Variants in UTS2B observed in about 807,000 individuals in gnomAD.
UTS2B encodes urotensin 2B.
Under a neutral mutation model 19.2 loss-of-function variants are expected in UTS2B, and 21 were observed. That is an observed-to-expected ratio of 1.09 (90% CI 0.78 to 1.58). The LOEUF is 1.58. Ranked by LOEUF, UTS2B falls within the 40% of genes most tolerant of loss-of-function variation. The pLI, the probability that UTS2B is intolerant of heterozygous loss-of-function variation, is 0.00. For synonymous variants in UTS2B, 57 were observed against 50.2 expected (o/e 1.14, Z -0.58); for missense variants, 138 against 130.3 (o/e 1.06, Z -0.29).
chr3:191,324,240 C>A (rs929506755), intron 2 of UTS2B, among the ~76,000 whole-genome samples: 8 of 152,216 alleles, frequency 5.3e-5, no homozygotes, highest in Non-Finnish European at 5.9e-5. Flanking sequence ...AGCAAGAAGG[C>A]TCTTACCAGA....
At chr3:191,296,165 A>G (rs948692157) in intron 4 of UTS2B, among the ~76,000 whole-genome samples, 3 of 151,994 alleles carry the variant, frequency 2.0e-5, no homozygotes, top group East Asian at 1.9e-4. Flanking sequence ...AACCACAAAT[A>G]CCCTTCTTTC....
chr3:191,330,053 C>A (rs1717912833), intron 1 of UTS2B, among the ~76,000 whole-genome samples: 1 of 152,024 alleles, frequency 6.6e-6, no homozygotes, highest in African/African-American at 2.4e-5. Context: ...TGACTTACTC[C>A]GCTTCTAAAA....
chr3:191,319,854 C>A (rs1453586472), intron 2 of UTS2B, among the ~76,000 whole-genome samples: 43 of 142,584 alleles, frequency 3.0e-4, no homozygotes, highest in Admixed American at 2.2e-3. Context: ...GGCAACAGTG[C>A]GAGACTTGGT....
At chr3:191,336,064 T>G in the UTS2B span, among the ~76,000 whole-genome samples, 19 of 152,172 alleles carry the variant, frequency 1.2e-4, no homozygotes, top group East Asian at 2.9e-3. Flanking sequence ...ATTCACTAAT[T>G]GAAGAACATA....
At chr3:191,297,733 C>T (rs10937473) in intron 4 of UTS2B, among the ~76,000 whole-genome samples, 99,873 of 151,992 alleles carry the variant, frequency 0.66, 32,789 homozygotes, top group African/African-American at 0.67. Flanking sequence ...ATAAAATATT[C>T]AGCATTACAC....
intron 2 of UTS2B, among the ~76,000 whole-genome samples, chr3:191,318,685 G>T (rs145275741): frequency 0.04 from 6,059 of 152,230 alleles, 138 homozygotes; most frequent in African/African-American, 0.066. Flanking sequence ...TGCCCAGGCT[G>T]GTCTGGAACT....
At chr3:191,327,231 C>T (rs528867036) in intron 2 of UTS2B, among the ~76,000 whole-genome samples, 3 of 152,298 alleles carry the variant, frequency 2.0e-5, no homozygotes, top group Admixed American at 1.3e-4. Context: ...CGTGGTGGCT[C>T]GTGCCTGTAA....
intron 4 of UTS2B, among the ~76,000 whole-genome samples, chr3:191,289,267 G>A (rs1716641372): frequency 3.9e-5 from 6 of 151,928 alleles, no homozygotes; most frequent in Admixed American, 3.9e-4. Context: ...AAATTAGCCA[G>A]GCATGGTGGC....
At chr3:191,309,182 A>T (rs927812577) in intron 3 of UTS2B, among the ~76,000 whole-genome samples, 10 of 151,822 alleles carry the variant, frequency 6.6e-5, no homozygotes, top group African/African-American at 1.9e-4. Flanking sequence ...GTTTTTTTTT[A>T]AAACGGAGTC....
intron 8 of UTS2B, 84 bp from the exon 9 acceptor site, chr3:191,268,525 A>G (rs1031604544): frequency 2.1e-6 from 2 of 942,374 alleles, no homozygotes; most frequent in African/African-American, 3.4e-5. Context: ...TGTGTGCCTG[A>G]ATGCGAGAGT....
chr3:191,322,008 C>T (rs1376603721), intron 2 of UTS2B, among the ~76,000 whole-genome samples: 1 of 151,832 alleles, frequency 6.6e-6, no homozygotes, highest in Non-Finnish European at 1.5e-5. Flanking sequence ...GCCTGGGTGA[C>T]AAGAGAAAAA....
At chr3:191,315,844 C>T (rs370164432) in intron 3 of UTS2B, among the ~76,000 whole-genome samples, 192 bp downstream of exon 3, 23 of 152,202 alleles carry the variant, frequency 1.5e-4, no homozygotes, top group African/African-American at 4.8e-4. Flanking sequence ...TAAATAATCA[C>T]CAATGCACCA....
At chr3:191,273,720 C>G (rs993530259) in intron 8 of UTS2B, among the ~76,000 whole-genome samples, 1 of 152,194 alleles carries the variant, frequency 6.6e-6, no homozygotes, top group East Asian at 1.9e-4. Context: ...CTATTTCAAC[C>G]TTTCTCTTGT....
chr3:191,304,078 T>C (rs1717072687), intron 4 of UTS2B, among the ~76,000 whole-genome samples: 1 of 152,122 alleles, frequency 6.6e-6, no homozygotes, highest in African/African-American at 2.4e-5. Flanking sequence ...CAAGAGATTC[T>C]CCTACCATAG....
At chr3:191,283,123 G>A (rs770943273) in intron 4 of UTS2B, among the ~76,000 whole-genome samples, 1 of 152,172 alleles carries the variant, frequency 6.6e-6, no homozygotes. Flanking sequence ...TAACTAAGGA[G>A]AATGACTAAT....
intron 5 of UTS2B, among the ~76,000 whole-genome samples, chr3:191,279,888 G>A (rs2108573536): frequency 7.0e-6 from 1 of 142,044 alleles, no homozygotes; most frequent in African/African-American, 2.6e-5. Context: ...TTCATACTTA[G>A]TTTTAAAACA....
intron 1 of UTS2B, 116 bp downstream of exon 1, chr3:191,330,296 AAC>A (rs3048670): frequency 0.11 from 15,673 of 136,896 alleles, 2,280 homozygotes; most frequent in African/African-American, 0.36. Flanking sequence ...TTACAAACAA[AAC>A]ACACACACAC....
intron 2 of UTS2B, among the ~76,000 whole-genome samples, chr3:191,321,988 T>C (rs1375943472): frequency 6.6e-6 from 1 of 151,996 alleles, no homozygotes; most frequent in African/African-American, 2.4e-5. Context: ...GATTGCGCCA[T>C]TGCACTCCAG....
In UTS2B at chr3:191,268,379, GATATTCTT is replaced by G; in HGVS notation, c.*29_*36del. ...AGTGAGTAGATACATATATTTTCCT[GATATTCTT>G]ATCTTTTTTTGCATCCAGAGAAAAA... On this transcript the variant is annotated 3_prime_UTR_variant, in exon 9 of 9. Transcript: ENST00000340524. 6.6e-7 allele frequency: 1 copy of G among 1,514,412 alleles called. No homozygotes were observed. The highest frequency in any genetic ancestry group is 9.1e-7 in the Non-Finnish European group (1 of 1,103,608). 93.8% of individuals were successfully genotyped at this position (1,514,412 alleles called of 1,614,324 possible). A position where few individuals can be genotyped will look rare whatever the true frequency, so the allele number is the denominator to read the frequency against.
Sources: gnomAD v4.1 joint callset for allele counts (sites outside exome capture counted in the v4.1 genomes callset) on GRCh38, gnomAD v4.1.1 for gene constraint, MANE v1.5 for transcripts, NCBI Gene and HGNC (gene_info 2026-07-23, HGNC 2026-07-21) for gene names.